The following EHMT1 variants were observed in gnomAD, a reference collection of about 807,000 sequenced individuals.
The protein encoded by EHMT1 is histone-lysine N-methyltransferase EHMT1.
EHMT1 carries 15 observed loss-of-function variants against 147.2 expected under a neutral mutation model. The ratio of observed to expected loss-of-function variants is 0.10; its 90% CI spans 0.07 to 0.16. The LOEUF is 0.16. EHMT1 is among the 10% of genes least tolerant of loss of function. The pLI is 1.00. For missense variants in EHMT1, 1,587 were observed against 1,772.4 expected (o/e 0.90, Z 1.88); for synonymous variants, 795 against 709.6 (o/e 1.12, Z -1.91).
At chr9:137,652,377 G>C (rs1474907159) in intron 1 of EHMT1, among the ~76,000 whole-genome samples, 1 of 152,140 alleles carries the variant, frequency 6.6e-6, no homozygotes, top group African/African-American at 2.4e-5. Context: ...ACAATGCCCG[G>C]CCAGTGTGTC....
chr9:137,788,321 CAG>C (rs200706801), intron 15 of EHMT1: 4,635 of 392,004 alleles, frequency 0.012, 37 homozygotes, highest in Non-Finnish European at 0.016. Flanking sequence ...ATGCAGCACT[CAG>C]GGGGCCCAGG....
rs530350984 is a variant in EHMT1, at chr9:137,815,751, G to A, written c.3259-196G>A. On this transcript the variant is annotated intron_variant, in intron 22 of 26. Coordinates refer to ENST00000460843, the MANE Select transcript of EHMT1 (RefSeq NM_024757.5). ...TCCAGGGGGTCTCCACAACCTGTGT[G>A]GGCATCTGGGTGGAGGCTTCTCATC... is the stretch of plus-strand genomic sequence containing the variant. 11 of 633,370 alleles carry A rather than the reference G, an allele frequency of 1.7e-5. No homozygotes were observed. The African/African-American group carries it at 1.8e-4, about 10-fold the overall frequency. The allele number at this position is 633,370 out of a possible 1,614,324, so 39.2% of individuals were successfully genotyped here.
intron 1 of EHMT1, among the ~76,000 whole-genome samples, chr9:137,679,394 T>G (rs1433674930): frequency 2.0e-5 from 3 of 152,226 alleles, no homozygotes; most frequent in African/African-American, 7.2e-5. Flanking sequence ...GCACCTGGGA[T>G]ACATCTCGGG....
rs550576872 is a variant in EHMT1, at chr9:137,790,567, T to C, written c.2383-281T>C. Among the ~76,000 whole-genome samples, 6 of 152,334 alleles carry C rather than the reference T, an allele frequency of 3.9e-5. No individual in the cohort carries two copies. The South Asian group carries it at 1.2e-3, about 32-fold the overall frequency. The stretch of plus-strand genomic sequence containing the variant: ...CTTTAGAAGGTTGTCACTGTCCTCC[T>C]CATTTCTAAAGGTGTTGTCACACTC... On this transcript the variant is annotated intron_variant, in intron 15 of 26. Transcript: ENST00000460843.
intron 1 of EHMT1, among the ~76,000 whole-genome samples, chr9:137,627,204 C>A (rs1197837900): frequency 6.6e-6 from 1 of 151,872 alleles, no homozygotes. Context: ...GGTGACCCAC[C>A]CCCCTTGCCT....
intron 4 of EHMT1, among the ~76,000 whole-genome samples, chr9:137,741,482 A>G (rs1054183786): frequency 6.6e-6 from 1 of 152,228 alleles, no homozygotes; most frequent in Non-Finnish European, 1.5e-5. Context: ...AGATGCAGAC[A>G]GTATGTAGAC....
intron 4 of EHMT1, among the ~76,000 whole-genome samples, chr9:137,739,715 C>T (rs903554300): frequency 2.6e-5 from 4 of 152,224 alleles, no homozygotes; most frequent in African/African-American, 9.7e-5. Flanking sequence ...TTCCCTTGCG[C>T]TTTTTTGCTG....
At position 137,619,063 on chromosome 9, in the gene EHMT1, C is replaced by G. The variant is rs1349814183; in HGVS notation, c.21+14C>G. The G allele has an allele frequency of 1.1e-6, 1 of 906,024 alleles. No individual in the cohort carries two copies. The highest frequency in any genetic ancestry group is 1.3e-6 in the Non-Finnish European group (1 of 760,106). The allele number at this position is 906,024 out of a possible 1,614,324, so 56.1% of individuals were successfully genotyped here. A position where few individuals can be genotyped will look rare whatever the true frequency, so the allele number is the denominator to read the frequency against. On this transcript the variant is annotated intron_variant, in intron 1 of 26. Coordinates refer to ENST00000460843, the MANE Select transcript of EHMT1 (RefSeq NM_024757.5). ...GCCGATGCCGAGGTGAGCAGCGGGG[C>G]CGGCGGGGGGCGGCGCGGGGGCGGC... is the stretch of plus-strand genomic sequence containing the variant.
intron 25 of EHMT1, among the ~76,000 whole-genome samples, chr9:137,826,775 C>A (rs537326640): frequency 6.6e-6 from 1 of 152,224 alleles, no homozygotes; most frequent in Non-Finnish European, 1.5e-5. Flanking sequence ...CCTGCTGATG[C>A]GGCTGTGGCC....
At chr9:137,653,200 TA>T (rs1430551410) in intron 1 of EHMT1, among the ~76,000 whole-genome samples, 1 of 152,206 alleles carries the variant, frequency 6.6e-6, no homozygotes, top group African/African-American at 2.4e-5. Flanking sequence ...TTTTATTTTT[TA>T]TACTGTATTT....
chr9:137,759,439 C>A (rs563383617), intron 9 of EHMT1, among the ~76,000 whole-genome samples: 1 of 152,128 alleles, frequency 6.6e-6, no homozygotes, highest in African/African-American at 2.4e-5. Context: ...GGCAGGAGAC[C>A]GGGAGCTGGC....
chr9:137,769,464 T>G (rs770102539), intron 10 of EHMT1, among the ~76,000 whole-genome samples: 10 of 152,206 alleles, frequency 6.6e-5, no homozygotes, highest in Non-Finnish European at 1.3e-4. Flanking sequence ...TTGAAAAAGT[T>G]GTTTTGTCTT....
chr9:137,728,769 C>CT (rs1487033681), intron 4 of EHMT1, among the ~76,000 whole-genome samples: 1 of 152,176 alleles, frequency 6.6e-6, no homozygotes, highest in Non-Finnish European at 1.5e-5. Context: ...AAGATGAAGA[C>CT]TGTTTTCTTT....
At chr9:137,778,088 C>T in intron 13 of EHMT1, 33 bp downstream of exon 13, 2 of 1,613,438 alleles carry the variant, frequency 1.2e-6, no homozygotes, top group Non-Finnish European at 1.7e-6. Flanking sequence ...AGAGATGTCT[C>T]AGAGCCTGTT....
chr9:137,793,055 C>T (rs1952646238), intron 16 of EHMT1, among the ~76,000 whole-genome samples: 2 of 152,006 alleles, frequency 1.3e-5, no homozygotes, highest in African/African-American at 4.8e-5. Flanking sequence ...AGTCAGCCCC[C>T]GATCCAAGGG....
chr9:137,811,434 A>C, intron 18 of EHMT1, 27 bp from the exon 19 acceptor site: 1 of 1,611,368 alleles, frequency 6.2e-7, no homozygotes, highest in Non-Finnish European at 8.5e-7. Flanking sequence ...GGAAGCCTGC[A>C]CTGAGCTCTG....
At chr9:137,764,810 ATTCTCTCTGTCCCCTGC>A (rs1950107850) in intron 10 of EHMT1, 1 of 152,210 alleles carries the variant, frequency 6.6e-6, no homozygotes, top group Non-Finnish European at 1.5e-5. Context: ...CACCCAGAAC[ATTCTCTCTGTCCCCTGC>A]TTCTTCCCAT....
chr9:137,755,563 G>A (rs1949320020), intron 8 of EHMT1, among the ~76,000 whole-genome samples: 1 of 152,190 alleles, frequency 6.6e-6, no homozygotes, highest in African/African-American at 2.4e-5. Flanking sequence ...TTTTGAACAG[G>A]TGCTTCCCTA....
rs556292023 is a variant in EHMT1, at chr9:137,752,598, A to C, written c.1248+190A>C. Among the ~76,000 whole-genome samples, 23 of 152,268 alleles carry C rather than the reference A, an allele frequency of 1.5e-4. 1 individual carries two copies. In the South Asian group the frequency reaches 4.8e-3, roughly 32 times the overall value. ...GCCTCATGAGAAAGACACCGTGCAG[A>C]GTTGCAGCGCAGGGCTGGGCCTGGC... On this transcript the variant is annotated intron_variant, in intron 7 of 26. Coordinates refer to ENST00000460843, the MANE Select transcript of EHMT1 (RefSeq NM_024757.5).
Sources: gnomAD v4.1 joint callset for allele counts (sites outside exome capture counted in the v4.1 genomes callset) on GRCh38, gnomAD v4.1.1 for gene constraint, MANE v1.5 for transcripts, NCBI Gene and HGNC (gene_info 2026-07-23, HGNC 2026-07-21) for gene names.